ESRRG: variants seen among roughly 807,000 people sequenced by gnomAD.
ESRRG encodes estrogen related receptor gamma.
Under a neutral mutation model 44.0 loss-of-function variants are expected in ESRRG, and 13 were observed. The observed-to-expected ratio is 0.30, with a 90% confidence interval of 0.19 to 0.47. The LOEUF is 0.47. Ranked by LOEUF, ESRRG falls within the 20% of genes least tolerant of loss-of-function variation. The pLI, the probability that ESRRG is intolerant of heterozygous loss-of-function variation, is 1.00. For synonymous variants in ESRRG, 215 were observed against 214.6 expected, an observed-to-expected ratio of 1.00 and a Z score of -0.02; for missense variants, 395 against 580.6, an observed-to-expected ratio of 0.68 and a Z score of 3.29.
intron 2 of ESRRG, among the ~76,000 whole-genome samples, chr1:216,824,924 A>G (rs1000981507): frequency 6.6e-6 from 1 of 152,256 alleles, no homozygotes; most frequent in African/African-American, 2.4e-5. Flanking sequence ...TTAAAAACAT[A>G]TAATCACTAT....
intron 2 of ESRRG, among the ~76,000 whole-genome samples, chr1:216,854,353 CAAAAAAAAAAAA>C (rs57421256): frequency 8.9e-5 from 6 of 67,122 alleles, no homozygotes; most frequent in South Asian, 8.2e-4. Flanking sequence ...AAGACACCAT[CAAAAAAAAAAAA>C]AAAAAAAAAA....
intron 1 of ESRRG, among the ~76,000 whole-genome samples, chr1:217,110,698 C>G (rs1377007777): frequency 6.6e-6 from 1 of 152,146 alleles, no homozygotes; most frequent in Non-Finnish European, 1.5e-5. Flanking sequence ...AACTCACTCA[C>G]TATCATAGGA....
At chr1:216,618,594 A>C (rs1215169655) in intron 3 of ESRRG, among the ~76,000 whole-genome samples, 2 of 152,226 alleles carry the variant, frequency 1.3e-5, no homozygotes, top group African/African-American at 2.4e-5. Flanking sequence ...AATATTTGAC[A>C]GTATTTATGC....
At chr1:216,736,415 C>A (rs1384972375) in intron 2 of ESRRG, among the ~76,000 whole-genome samples, 3 of 151,938 alleles carry the variant, frequency 2.0e-5, no homozygotes, top group Admixed American at 2.0e-4. Flanking sequence ...GATCTGCGGA[C>A]CTCGTGATCC....
At chr1:216,688,171 A>G (rs2078372231) in intron 1 of ESRRG, among the ~76,000 whole-genome samples, 1 of 152,238 alleles carries the variant, frequency 6.6e-6, no homozygotes, top group African/African-American at 2.4e-5. Context: ...ATTAAGAGAA[A>G]GCAGGCGAGC....
chr1:216,838,154 A>C (rs2095597409), intron 2 of ESRRG, among the ~76,000 whole-genome samples: 1 of 152,140 alleles, frequency 6.6e-6, no homozygotes, highest in African/African-American at 2.4e-5. Flanking sequence ...CTCTTACCTT[A>C]GATCTCCTCC....
At chr1:216,894,150 G>T (rs1276192177) in intron 2 of ESRRG, among the ~76,000 whole-genome samples, 2 of 152,058 alleles carry the variant, frequency 1.3e-5, no homozygotes, top group African/African-American at 4.8e-5. Context: ...TGAGTATTCT[G>T]CCCCGATTAT....
At chr1:216,529,656 A>G (rs1190108299) in intron 5 of ESRRG, among the ~76,000 whole-genome samples, 1 of 152,092 alleles carries the variant, frequency 6.6e-6, no homozygotes, top group Non-Finnish European at 1.5e-5. Flanking sequence ...ACTTTTTAAG[A>G]TTTGATTTTC....
chr1:216,676,943 A>G lies in ESRRG; in HGVS notation c.472+133T>C, dbSNP rs1003600853. Reference sequence around the variant, plus strand: ...TATAAATCTTCCACTATCAATTGTAATCTATTTCCATTTTCTACTCAAGAG... The same window carrying G: ...TATAAATCTTCCACTATCAATTGTAGTCTATTTCCATTTTCTACTCAAGAG... On this transcript the variant is annotated intron_variant, in intron 2 of 6. Transcript: ENST00000408911. The G allele has an allele frequency of 5.5e-5, 36 of 649,968 alleles. No individual in the cohort carries two copies. The East Asian group carries it at 6.2e-4, about 11-fold the overall frequency. The allele number at this position is 649,968 out of a possible 1,614,324, so 40.3% of individuals were successfully genotyped here.
chr1:217,114,488 C>T (rs964880683), intron 1 of ESRRG, among the ~76,000 whole-genome samples: 1 of 152,016 alleles, frequency 6.6e-6, no homozygotes, highest in Non-Finnish European at 1.5e-5. Context: ...AGCATTTAGG[C>T]TTACCGAATC....
intron 2 of ESRRG, among the ~76,000 whole-genome samples, chr1:216,924,814 G>A (rs2062314600): frequency 6.6e-6 from 1 of 152,102 alleles, no homozygotes; most frequent in Non-Finnish European, 1.5e-5. Context: ...CGGGTGAGGT[G>A]AGAAACTCTA....
At chr1:216,514,318 T>C (rs1458893565) in intron 6 of ESRRG, among the ~76,000 whole-genome samples, 2 of 152,066 alleles carry the variant, frequency 1.3e-5, no homozygotes, top group African/African-American at 2.4e-5. Flanking sequence ...AACTAAGAGA[T>C]GAAAAGTTAT....
At chr1:216,627,880 T>A (rs1182767894) in intron 3 of ESRRG, among the ~76,000 whole-genome samples, 1 of 152,200 alleles carries the variant, frequency 6.6e-6, no homozygotes, top group East Asian at 1.9e-4. Flanking sequence ...AGTATTCCTA[T>A]GCTTGTTTTT....
chr1:216,778,637 C>T (rs1311375038), intron 2 of ESRRG, among the ~76,000 whole-genome samples: 1 of 151,844 alleles, frequency 6.6e-6, no homozygotes, highest in Non-Finnish European at 1.5e-5. Context: ...AGTCAACAGG[C>T]CCCAACAGAC....
At chr1:217,077,474 A>G (rs1176020276) in intron 1 of ESRRG, among the ~76,000 whole-genome samples, 1 of 152,182 alleles carries the variant, frequency 6.6e-6, no homozygotes, top group Non-Finnish European at 1.5e-5. Flanking sequence ...TTTCAAGGGT[A>G]ATACGACCAC....
chr1:216,999,784 T>C (rs1429304220), intron 1 of ESRRG, among the ~76,000 whole-genome samples: 1 of 152,204 alleles, frequency 6.6e-6, no homozygotes, highest in East Asian at 1.9e-4. Context: ...GAATCTCAGA[T>C]TGATTCTGAG....
At chr1:216,782,053 C>CA (rs1374689981) in intron 2 of ESRRG, among the ~76,000 whole-genome samples, 1 of 152,022 alleles carries the variant, frequency 6.6e-6, no homozygotes, top group Non-Finnish European at 1.5e-5. Flanking sequence ...CCTCCCTTTC[C>CA]AAAATAATTA....
chr1:216,772,628 T>C (rs1482163537), intron 2 of ESRRG, among the ~76,000 whole-genome samples: 1 of 152,180 alleles, frequency 6.6e-6, no homozygotes, highest in African/African-American at 2.4e-5. Flanking sequence ...GAAAGGTGTA[T>C]GTTATTTACC....
At chr1:216,590,126 A>G (rs1374444706) in intron 3 of ESRRG, among the ~76,000 whole-genome samples, 4 of 152,016 alleles carry the variant, frequency 2.6e-5, no homozygotes, top group African/African-American at 9.7e-5. Flanking sequence ...TATATTCAAT[A>G]TCACAGATCC....
Sources: allele counts gnomAD v4.1 joint callset (sites outside exome capture counted in the v4.1 genomes callset), GRCh38; gene constraint gnomAD v4.1.1; transcripts MANE v1.5; gene names NCBI Gene and HGNC (gene_info 2026-07-23, HGNC 2026-07-21).